NAALADL2: variants seen among roughly 807,000 people sequenced by gnomAD.
The protein encoded by NAALADL2 is inactive N-acetylated-alpha-linked acidic dipeptidase-like protein 2.
In NAALADL2, 76 loss-of-function variants were observed where a neutral mutation model predicts 87.2. The ratio of observed to expected loss-of-function variants is 0.87; its 90% confidence interval spans 0.72 to 1.05. The LOEUF is 1.05. NAALADL2 is among the 50% of genes least tolerant of loss of function. NAALADL2 has a pLI of 0.00. For synonymous variants in NAALADL2, 354 were observed against 331.0 expected (o/e 1.07, Z -0.75); for missense variants, 1,089 against 945.8 (o/e 1.15, Z -1.99).
intron 2 of NAALADL2, among the ~76,000 whole-genome samples, chr3:174,620,873 TTGAG>T (rs761607333): frequency 2.0e-5 from 3 of 152,084 alleles, no homozygotes; most frequent in South Asian, 2.1e-4. Context: ...TCAAAACACT[TTGAG>T]TGAGCTAATT....
At chr3:175,358,908 T>G (rs1426140324) in intron 5 of NAALADL2, among the ~76,000 whole-genome samples, 4 of 152,072 alleles carry the variant, frequency 2.6e-5, no homozygotes, top group Non-Finnish European at 4.4e-5. Flanking sequence ...TGGGAGAGAA[T>G]TAGCCCCACA....
chr3:174,627,154 T>C (rs1294177353), intron 2 of NAALADL2, among the ~76,000 whole-genome samples: 2 of 152,128 alleles, frequency 1.3e-5, no homozygotes, highest in Non-Finnish European at 2.9e-5. Context: ...TGTAGTATAA[T>C]AGTATTTTGA....
At chr3:175,108,479 C>T (rs961711531) in intron 2 of NAALADL2, among the ~76,000 whole-genome samples, 1 of 151,960 alleles carries the variant, frequency 6.6e-6, no homozygotes, top group East Asian at 1.9e-4. Context: ...TGAAACTGAT[C>T]ATTTTTCTTT....
intron 2 of NAALADL2, among the ~76,000 whole-genome samples, chr3:174,572,385 C>T (rs189939641): frequency 4.6e-5 from 7 of 152,274 alleles, no homozygotes; most frequent in Non-Finnish European, 8.8e-5. Context: ...CAGAATGCAA[C>T]TTCCTTTAAT....
intron 1 of NAALADL2, among the ~76,000 whole-genome samples, chr3:175,057,255 C>T (rs572209240): frequency 6.6e-6 from 1 of 152,234 alleles, no homozygotes; most frequent in South Asian, 2.1e-4. Context: ...ATCACGTTAC[C>T]ATTTTTTTCA....
upstream of NAALADL2, among the ~76,000 whole-genome samples, chr3:174,854,343 T>C (rs912571682): frequency 1.3e-5 from 2 of 152,072 alleles, no homozygotes; most frequent in African/African-American, 4.8e-5. Context: ...TTTGAACTTG[T>C]GGAGATAGAG....
chr3:175,785,739 C>T (rs1423938042), intron 13 of NAALADL2, among the ~76,000 whole-genome samples: 3 of 146,230 alleles, frequency 2.1e-5, no homozygotes, highest in Non-Finnish European at 3.0e-5. Flanking sequence ...GAATTTGATC[C>T]TGTCATTATG....
intron 2 of NAALADL2, among the ~76,000 whole-genome samples, chr3:174,664,129 C>T (rs1290119016): frequency 6.6e-6 from 1 of 152,090 alleles, no homozygotes; most frequent in Non-Finnish European, 1.5e-5. Flanking sequence ...TCTGCCAACC[C>T]CTCTGCAATA....
intron 1 of NAALADL2, among the ~76,000 whole-genome samples, chr3:175,060,800 C>A (rs1380195233): frequency 6.6e-6 from 1 of 152,174 alleles, no homozygotes; most frequent in East Asian, 1.9e-4. Flanking sequence ...GTAATCCCAG[C>A]ACTTTGGGAG....
intron 1 of NAALADL2, among the ~76,000 whole-genome samples, chr3:174,881,502 GT>G (rs1233932207): frequency 1.3e-5 from 2 of 152,080 alleles, no homozygotes; most frequent in African/African-American, 2.4e-5. Flanking sequence ...ATGTAAGTAG[GT>G]TTATATTAGT....
At chr3:174,496,187 C>T (rs1515590) in intron 1 of NAALADL2, among the ~76,000 whole-genome samples, 63,334 of 151,716 alleles carry the variant, frequency 0.42, 14,184 homozygotes, top group East Asian at 0.88. Context: ...CCAGCTCAGT[C>T]TGTGCACATA....
At chr3:175,567,059 T>C (rs1490372324) in intron 9 of NAALADL2, among the ~76,000 whole-genome samples, 4 of 152,226 alleles carry the variant, frequency 2.6e-5, no homozygotes, top group African/African-American at 9.6e-5. Context: ...GAACTTACTG[T>C]GGTTTAAAAT....
chr3:175,013,278 C>CATATAT (rs1174600904), intron 1 of NAALADL2, among the ~76,000 whole-genome samples: 4 of 73,742 alleles, frequency 5.4e-5, no homozygotes, highest in South Asian at 3.7e-4. Flanking sequence ...TATATATATA[C>CATATAT]ATATATATAT....
intron 3 of NAALADL2, among the ~76,000 whole-genome samples, chr3:174,832,327 T>C (rs1439948689): frequency 6.6e-6 from 1 of 152,200 alleles, no homozygotes; most frequent in Non-Finnish European, 1.5e-5. Flanking sequence ...CTCGTTGGTT[T>C]CAAAGAACAT....
chr3:175,492,567 T>C (rs1333590676), intron 9 of NAALADL2, among the ~76,000 whole-genome samples: 2 of 152,156 alleles, frequency 1.3e-5, no homozygotes. Flanking sequence ...AGGGAAACAG[T>C]ACCCGGAGCG....
chr3:175,132,005 C>A (rs1191317978), intron 2 of NAALADL2, among the ~76,000 whole-genome samples: 46 of 125,824 alleles, frequency 3.7e-4, no homozygotes, highest in Non-Finnish European at 5.4e-4. Context: ...GACTGACCCC[C>A]CCACCTCCCT....
intron 11 of NAALADL2, among the ~76,000 whole-genome samples, chr3:175,720,598 T>C (rs1158983684): frequency 6.6e-6 from 1 of 152,070 alleles, no homozygotes; most frequent in Non-Finnish European, 1.5e-5. Context: ...ACGTCAATTT[T>C]TATTTTGAAG....
chr3:175,273,129 A>G (rs1753101066), intron 4 of NAALADL2, among the ~76,000 whole-genome samples: 1 of 152,106 alleles, frequency 6.6e-6, no homozygotes, highest in Non-Finnish European at 1.5e-5. Context: ...TCTAATTGCA[A>G]AACATTAGGT....
intron 1 of NAALADL2, among the ~76,000 whole-genome samples, chr3:174,931,994 A>C (rs1736970386): frequency 6.6e-6 from 1 of 152,210 alleles, no homozygotes; most frequent in African/African-American, 2.4e-5. Flanking sequence ...ATGTGTTTTT[A>C]ATAGTTGAAA....
Sources: gnomAD v4.1 joint callset for allele counts (sites outside exome capture counted in the v4.1 genomes callset) on GRCh38, gnomAD v4.1.1 for gene constraint, MANE v1.5 for transcripts, NCBI Gene and HGNC (gene_info 2026-07-23, HGNC 2026-07-21) for gene names.